Variants in GMEB1 observed in about 807,000 individuals in gnomAD.
GMEB1 encodes glucocorticoid modulatory element-binding protein 1.
In GMEB1, 6 loss-of-function variants were observed where a neutral mutation model predicts 52.4. The ratio of observed to expected loss-of-function variants is 0.11; its 90% CI spans 0.06 to 0.23. The LOEUF is 0.23. Among genes scored for constraint, GMEB1 ranks in the 10% least tolerant of loss-of-function variants. The pLI, the probability that GMEB1 is intolerant of heterozygous loss-of-function variation, is 1.00. For synonymous variants in GMEB1, 255 were observed against 244.9 expected (o/e 1.04, Z -0.38); for missense variants, 486 against 685.6 (o/e 0.71, Z 3.25).
At chr1:28,671,392 C>T (rs1460556222) in intron 1 of GMEB1, among the ~76,000 whole-genome samples, 1 of 152,134 alleles carries the variant, frequency 6.6e-6, no homozygotes, top group African/African-American at 2.4e-5. Context: ...GCTGGGACTA[C>T]AGGTGCGTGG....
At chr1:28,707,359 G>A (rs549690900) in intron 8 of GMEB1, among the ~76,000 whole-genome samples, 1 of 152,048 alleles carries the variant, frequency 6.6e-6, no homozygotes, top group African/African-American at 2.4e-5. Flanking sequence ...TGTGTGGAGA[G>A]TAGACTCTTA....
At chr1:28,691,800 T>C (rs532047660) in intron 4 of GMEB1, 91 bp downstream of exon 4, 2 of 398,550 alleles carry the variant, frequency 5.0e-6, no homozygotes, top group Non-Finnish European at 9.0e-6. Flanking sequence ...TTCCACTATA[T>C]CAGTTTTATT....
chr1:28,680,056 C>G (rs1472428863), intron 1 of GMEB1, among the ~76,000 whole-genome samples: 1 of 152,014 alleles, frequency 6.6e-6, no homozygotes, highest in Non-Finnish European at 1.5e-5. Flanking sequence ...GATCCGCCTG[C>G]CTCGGCCTCC....
In GMEB1 at chr1:28,695,938, C is replaced by CA. The variant is rs58978972; in HGVS notation, c.441-953dup. 7.6e-3 allele frequency among the ~76,000 whole-genome samples: 314 copies of CA among 41,054 alleles called. 96 individuals are homozygous for CA. Among genetic ancestry groups the CA allele is most frequent in the African/African-American group, 0.025 (220 of 8,738 alleles). The allele number at this position is 41,054 out of a possible 152,430, so 26.9% of individuals were successfully genotyped here. A position where few individuals can be genotyped will look rare whatever the true frequency, so the allele number is the denominator to read the frequency against. On this transcript the variant is annotated intron_variant, in intron 5 of 9. Transcript: ENST00000373816. ...TGGGCGACAGAGCGAGACTCCGTCT[C>CA]AAAAAAAAAAAAAAAAAAAAAAAAA...
chr1:28,688,725 C>A (rs1196438818), intron 2 of GMEB1, among the ~76,000 whole-genome samples: 1 of 151,670 alleles, frequency 6.6e-6, no homozygotes, highest in Non-Finnish European at 1.5e-5. Context: ...CCACCCACCA[C>A]CCCCAGCAAA....
intron 1 of GMEB1, among the ~76,000 whole-genome samples, 196 bp downstream of exon 1, chr1:28,669,035 G>A (rs944151843): frequency 1.4e-5 from 2 of 145,748 alleles, no homozygotes; most frequent in African/African-American, 4.9e-5. Flanking sequence ...GCGGCGCCGC[G>A]GGGGGGTGGG....
chr1:28,676,344 T>G (rs1365047111), intron 1 of GMEB1, among the ~76,000 whole-genome samples: 1 of 152,108 alleles, frequency 6.6e-6, no homozygotes, highest in Non-Finnish European at 1.5e-5. Flanking sequence ...ATCTGAAAAT[T>G]TTTGAGCCAA....
chr1:28,708,491 C>T (rs181963816), intron 8 of GMEB1, among the ~76,000 whole-genome samples: 35 of 149,246 alleles, frequency 2.3e-4, no homozygotes, highest in Middle Eastern at 3.7e-3. Context: ...GACAGAGTTT[C>T]GCTGTTGTTT....
In GMEB1 at chr1:28,697,115, T is replaced by C. The variant is rs200783300; in HGVS notation, c.598+31T>C. 1,033 of 1,484,980 alleles carry C rather than the reference T, an allele frequency of 7.0e-4. 14 individuals are homozygous for C. Among genetic ancestry groups the C allele is most frequent in the Non-Finnish European group, 1.2e-4 (129 of 1,097,156 alleles). 92.0% of individuals were successfully genotyped at this position (1,484,980 alleles called of 1,614,324 possible). ...GGGTAGGAAACCACCTGAAAACCCA[T>C]TGTGTTTTTCAGCAGAACTTTCCCC... On this transcript the variant is annotated intron_variant, in intron 6 of 9. Coordinates refer to ENST00000373816, the MANE Select transcript of GMEB1 (RefSeq NM_001319674.2).
At chr1:28,696,454 TAA>T (rs983308787) in intron 5 of GMEB1, among the ~76,000 whole-genome samples, 2 of 152,068 alleles carry the variant, frequency 1.3e-5, no homozygotes, top group African/African-American at 4.8e-5. Context: ...TCCCCAAATG[TAA>T]AAGAGTCAGG....
In GMEB1 at chr1:28,696,405, G is replaced by A. The variant is rs112864130; in HGVS notation, c.441-522G>A. Among the ~76,000 whole-genome samples, 508 of 152,126 alleles carry A rather than the reference G, an allele frequency of 3.3e-3. 3 individuals carry two copies. Among genetic ancestry groups the A allele is most frequent in the African/African-American group, 0.012 (491 of 41,508 alleles). On this transcript the variant is annotated intron_variant, in intron 5 of 9. Transcript: ENST00000373816. ...AACTTTGAGTTTTGTTGTTCTTGGC[G>A]GGTTTTATTTACCCAGAAGGACAAG...
chr1:28,705,093 A>C (rs1016183934), intron 8 of GMEB1, among the ~76,000 whole-genome samples: 1 of 151,320 alleles, frequency 6.6e-6, no homozygotes, highest in Non-Finnish European at 1.5e-5. Context: ...AAAAAAAAAA[A>C]AAAAAAAAAC....
At chr1:28,680,305 T>A (rs1669337301) in intron 1 of GMEB1, among the ~76,000 whole-genome samples, 1 of 152,204 alleles carries the variant, frequency 6.6e-6, no homozygotes, top group Non-Finnish European at 1.5e-5. Flanking sequence ...GTATTGCATA[T>A]CTGCTGTGTG....
chr1:28,710,063 C>T (rs1000946508), intron 8 of GMEB1, among the ~76,000 whole-genome samples: 2 of 151,968 alleles, frequency 1.3e-5, no homozygotes, highest in Non-Finnish European at 2.9e-5. Flanking sequence ...AGGAGAATGG[C>T]GTGAACCCGG....
rs1258661080 is a variant in GMEB1, at chr1:28,668,800, C to T, written c.-70C>T. The T allele has an allele frequency of 6.7e-6, 1 of 149,382 alleles. No homozygotes were observed. The highest frequency in any genetic ancestry group is 1.5e-5 in the Non-Finnish European group (1 of 66,962). 9.3% of individuals were successfully genotyped at this position (149,382 alleles called of 1,614,324 possible). A position where few individuals can be genotyped will look rare whatever the true frequency, so the allele number is the denominator to read the frequency against. On this transcript the variant is annotated 5_prime_UTR_variant, in exon 1 of 10. Transcript: ENST00000373816. The stretch of plus-strand genomic sequence containing the variant: ...CCTCTGCGCATGCTCCGTCGCCTGC[C>T]CGCCCTGGCCGCTCGCCGCCCGCCC...
intron 5 of GMEB1, among the ~76,000 whole-genome samples, chr1:28,694,300 C>T (rs1287923480): frequency 6.7e-6 from 1 of 150,192 alleles, no homozygotes; most frequent in Non-Finnish European, 1.5e-5. Flanking sequence ...AAGTGATTCT[C>T]CTGTCTCAGC....
At chr1:28,711,376 T>C (rs1032610215) in intron 9 of GMEB1, among the ~76,000 whole-genome samples, 1 of 152,206 alleles carries the variant, frequency 6.6e-6, no homozygotes, top group African/African-American at 2.4e-5. Flanking sequence ...TGTGTATTAT[T>C]TCTTCAGATA....
chr1:28,717,761 GT>G lies in GMEB1; in HGVS notation c.*2993del, dbSNP rs976905678. 1.3e-5 allele frequency: 2 copies of G among 152,118 alleles called. No homozygotes were observed. The highest frequency in any genetic ancestry group is 4.8e-5 in the African/African-American group (2 of 41,412). The allele number at this position is 152,118 out of a possible 1,614,324, so 9.4% of individuals were successfully genotyped here. ...GAAGGCACATCTCATCCCTATTGTG[GT>G]TTTTAGGGACACTTTTCTCTTTCCC... is the stretch of plus-strand genomic sequence containing the variant. On this transcript the variant is annotated 3_prime_UTR_variant, in exon 10 of 10. Transcript: ENST00000373816.
At chr1:28,694,338 G>A (rs778470117) in intron 5 of GMEB1, among the ~76,000 whole-genome samples, 10 of 149,584 alleles carry the variant, frequency 6.7e-5, no homozygotes, top group South Asian at 2.2e-4. Context: ...CTACAGGCGC[G>A]TGCCACCATA....
Sources: allele counts gnomAD v4.1 joint callset (sites outside exome capture counted in the v4.1 genomes callset), GRCh38; gene constraint gnomAD v4.1.1; transcripts MANE v1.5; gene names NCBI Gene and HGNC (gene_info 2026-07-23, HGNC 2026-07-21).